MTCL3: variants seen among roughly 807,000 people sequenced by gnomAD.
The protein encoded by MTCL3 is microtubule cross-linking factor 3.
the MTCL3 span, among the ~76,000 whole-genome samples, chr6:127,501,052 T>C: frequency 9.5e-4 from 145 of 152,378 alleles, no homozygotes; most frequent in African/African-American, 3.3e-3. Flanking sequence ...GACCTCGTGA[T>C]CTGCCTGCCT....
At chr6:127,516,400 T>TGCC in the MTCL3 span, 1 of 1,600,588 alleles carries the variant, frequency 6.2e-7, no homozygotes, top group Non-Finnish European at 8.5e-7. Context: ...CAGCTGCTGC[T>TGCC]GCCGAACAGA....
chr6:127,479,737 G>A, the MTCL3 span, among the ~76,000 whole-genome samples: 1 of 152,044 alleles, frequency 6.6e-6, no homozygotes, highest in African/African-American at 2.4e-5. Context: ...TAATGGTCAT[G>A]GTAATTATTT....
chr6:127,476,396 C>A, the MTCL3 span: 1 of 1,613,760 alleles, frequency 6.2e-7, no homozygotes, highest in Non-Finnish European at 8.5e-7. This position sits in a 1 kb window ranked among gnomAD's most constrained non-coding sequence, Gnocchi z 4.4. Flanking sequence ...TCAATCTTGG[C>A]CATTTTCTTT....
chr6:127,516,036 GGGC>G, the MTCL3 span: 8 of 1,563,890 alleles, frequency 5.1e-6, no homozygotes, highest in Admixed American at 3.7e-5. Context: ...GCCAGCCCCT[GGGC>G]GGCGGCGGCT....
the MTCL3 span, chr6:127,473,386 G>T: frequency 6.5e-7 from 1 of 1,527,870 alleles, no homozygotes; most frequent in Non-Finnish European, 8.7e-7. Flanking sequence ...TGATAGGCTG[G>T]AACATCTGGG....
chr6:127,505,166 T>C, the MTCL3 span, among the ~76,000 whole-genome samples: 3,177 of 152,320 alleles, frequency 0.021, 59 homozygotes, highest in South Asian at 0.049. Flanking sequence ...TATCAGGTCT[T>C]CAGTTGTAAT....
chr6:127,507,089 A>T, the MTCL3 span, among the ~76,000 whole-genome samples: 1 of 152,220 alleles, frequency 6.6e-6, no homozygotes, highest in Non-Finnish European at 1.5e-5. Context: ...AACTCTTATG[A>T]ATATGCTTCA....
At chr6:127,512,861 T>G in the MTCL3 span, 1 of 1,588,830 alleles carries the variant, frequency 6.3e-7, no homozygotes, top group Non-Finnish European at 8.6e-7. Flanking sequence ...TAAAAATACA[T>G]AGTACACCAT....
Sources: gnomAD v4.1 joint callset for allele counts (sites outside exome capture counted in the v4.1 genomes callset) on GRCh38, gnomAD v4.1.1 for gene constraint, Gnocchi (gnomAD v3.1) non-coding constraint, MANE v1.5 for transcripts, NCBI Gene and HGNC (gene_info 2026-07-23, HGNC 2026-07-21) for gene names.